PHF8: variants seen among roughly 807,000 people sequenced by gnomAD.
PHF8 encodes histone lysine demethylase PHF8.
A neutral mutation model predicts 74.4 loss-of-function variants in PHF8; 9 were observed. That is an observed-to-expected ratio of 0.12 (90% confidence interval 0.07 to 0.21). PHF8 has a LOEUF of 0.21. PHF8 is among the 10% of genes least tolerant of loss of function. PHF8 has a pLI of 1.00. For missense variants in PHF8, 478 were observed against 816.6 expected, an observed-to-expected ratio of 0.59 and a Z score of 5.05; for synonymous variants, 311 against 316.6, an observed-to-expected ratio of 0.98 and a Z score of 0.19.
At position 53,992,811 on chromosome X, in the gene PHF8, T is replaced by C; in HGVS notation, c.1655A>G (p.Asp552Gly). The C allele has an allele frequency of 8.3e-7, 1 of 1,201,629 alleles. No homozygotes were observed. Among genetic ancestry groups the C allele is most frequent in the East Asian group, 3.0e-5 (1 of 33,783 alleles). ...KFNITGACLN[D>G]SDDDSPDLDL... is the part of the protein sequence containing the mutation. The stretch of plus-strand genomic sequence containing the variant: ...CAAGTCTGGTGAGTCGTCATCTGAG[T>C]CATTCAAGCAGGCACCAGTGATGTT... Residue 552 changes from aspartate (D) to glycine (G), a missense_variant, in exon 14 of 22, where the codon GAC (aspartate) becomes GGC (glycine). By Grantham distance (94) the Asp-to-Gly change is moderately conservative (BLOSUM62 -1). Coordinates refer to ENST00000338154, the MANE Select transcript of PHF8 (RefSeq NM_015107.3).
chrX:54,012,780 A>AT (rs782467272), intron 7 of PHF8, among the ~76,000 whole-genome samples: 4 of 109,814 alleles, frequency 3.6e-5, no homozygotes, highest in African/African-American at 1.3e-4. Flanking sequence ...TACAAAAATA[A>AT]TTTTTTTTAA....
rs1167655276 is a variant in PHF8 at position 53,947,526 on chromosome X, G to A, written c.2540-3283C>T. Among the ~76,000 whole-genome samples, 3 of 111,950 alleles carry A rather than the reference G, an allele frequency of 2.7e-5. No individual in the cohort carries two copies. The East Asian group carries it at 8.4e-4, about 31-fold the overall frequency. ...TGAAGCAAATTTACCAAAAGTTGAC[G>A]CATAATTTTCAGTCATGGATACTTG... On this transcript the variant is annotated intron_variant, in intron 19 of 21. Coordinates refer to ENST00000338154, the MANE Select transcript of PHF8 (RefSeq NM_015107.3).
intron 17 of PHF8, among the ~76,000 whole-genome samples, 182 bp from the exon 18 acceptor site, chrX:53,985,409 T>A (rs782729881): frequency 9.0e-6 from 1 of 111,718 alleles, no homozygotes; most frequent in African/African-American, 3.3e-5. Context: ...GTATCATAGA[T>A]TGCTTTCACG....
intron 2 of PHF8, among the ~76,000 whole-genome samples, chrX:54,034,954 C>T (rs1010874149): frequency 7.3e-5 from 8 of 109,812 alleles, no homozygotes; most frequent in East Asian, 2.9e-4. Context: ...GCAGGTGAGC[C>T]GTGACTGTTC....
intron 3 of PHF8, 116 bp downstream of exon 3, chrX:54,022,642 T>C (rs2066198603): frequency 9.3e-6 from 5 of 535,797 alleles, no homozygotes; most frequent in Non-Finnish European, 1.6e-5. Flanking sequence ...GCTTCTGCTA[T>C]TTCCTGAGGA....
At chrX:53,999,845 G>A (rs1557103815) in intron 11 of PHF8, 25 bp downstream of exon 11, 1 of 997,329 alleles carries the variant, frequency 1.0e-6, no homozygotes, top group Admixed American at 2.2e-5. Context: ...AACTCCAGAG[G>A]AGGTAGAGAA....
chrX:54,025,967 C>G (rs782195104), intron 2 of PHF8, among the ~76,000 whole-genome samples: 6 of 111,623 alleles, frequency 5.4e-5, no homozygotes, highest in Non-Finnish European at 1.1e-4. Context: ...AACCCTAACC[C>G]TGGCTCAGTA....
chrX:53,949,391 A>G, intron 19 of PHF8, among the ~76,000 whole-genome samples: 1 of 112,168 alleles, frequency 8.9e-6, no homozygotes. Context: ...CAAGACTAAG[A>G]GCTTATAATA....
At chrX:53,983,990 CAA>C (rs2065519877) in intron 18 of PHF8, among the ~76,000 whole-genome samples, 1 of 112,503 alleles carries the variant, frequency 8.9e-6, no homozygotes, top group East Asian at 2.8e-4. Context: ...CAGTGTTAGT[CAA>C]AAAGAATTTT....
chrX:54,034,174 A>G (rs2066410192), intron 2 of PHF8, among the ~76,000 whole-genome samples: 1 of 111,967 alleles, frequency 8.9e-6, no homozygotes. Flanking sequence ...AAAAAAATGA[A>G]CAGAGCCTCA....
At chrX:54,002,712 G>T in intron 8 of PHF8, 30 bp from the exon 9 acceptor site, 1 of 982,411 alleles carries the variant, frequency 1.0e-6, no homozygotes, top group East Asian at 3.1e-5. Flanking sequence ...AATCAAAGCT[G>T]GAAGAGGGCC....
At position 54,042,833 on chromosome X, in the gene PHF8, A is replaced by G; in HGVS notation, c.-92-13T>C. 1 of 1,112,234 alleles carries G rather than the reference A, an allele frequency of 9.0e-7. No individual in the cohort carries two copies. The highest frequency in any genetic ancestry group is 1.2e-6 in the Non-Finnish European group (1 of 834,096). 91.7% of individuals were successfully genotyped at this position (1,112,234 alleles called of 1,213,427 possible). ...CTCTGGACGATAGCTAGGCACAAAT[A>G]ACACTTTTTACAGAGTGAATCAGCC... is the stretch of plus-strand genomic sequence containing the variant. On this transcript the variant is annotated splice_polypyrimidine_tract_variant and intron_variant, in intron 1 of 21. Transcript: ENST00000338154.
intron 11 of PHF8, chrX:53,999,489 C>T: frequency 6.1e-6 from 1 of 163,762 alleles, no homozygotes; most frequent in Admixed American, 7.5e-5. Context: ...GGGTCTGCAC[C>T]CCAACCTCCA....
At chrX:53,991,943 G>T (rs782359190) in intron 14 of PHF8, among the ~76,000 whole-genome samples, 16 of 111,306 alleles carry the variant, frequency 1.4e-4, no homozygotes, top group Non-Finnish European at 2.4e-4. Flanking sequence ...CCATGGGAAG[G>T]TAACAGGGAA....
At chrX:53,984,653 T>C (rs1233465527) in intron 18 of PHF8, among the ~76,000 whole-genome samples, 1 of 111,745 alleles carries the variant, frequency 8.9e-6, no homozygotes, top group Non-Finnish European at 1.9e-5. Flanking sequence ...GATAGCAAAT[T>C]ATAACTACCA....
At position 53,993,656 on chromosome X, in the gene PHF8, A is replaced by G; in HGVS notation, c.1571T>C (p.Leu524Pro). The G allele has an allele frequency of 6.6e-6, 8 of 1,211,146 alleles. No homozygotes were observed. Among genetic ancestry groups the G allele is most frequent in the Non-Finnish European group, 8.9e-6 (8 of 894,713 alleles). Residue 524 changes from leucine (L) to proline (P), a missense_variant, in exon 13 of 22, where the codon CTC (leucine) becomes CCC (proline). Leu to Pro is a moderately conservative substitution (Grantham distance 98). Coordinates refer to ENST00000338154, the MANE Select transcript of PHF8 (RefSeq NM_015107.3). Reference sequence around the variant, plus strand: ...TGCCTGATGACTGTATGTGTCCATGAGATTATAGCTCAACTGGCCAGCAGG... The same window carrying G: ...TGCCTGATGACTGTATGTGTCCATGGGATTATAGCTCAACTGGCCAGCAGG... ...LGPAGQLSYN[L>P]MDTYSHQALK...
Position 53,993,827 on chromosome X carries a change from G to T in PHF8, c.1400C>A (p.Pro467His). The T allele has an allele frequency of 8.3e-7, 1 of 1,207,536 alleles. No individual in the cohort carries two copies. The highest frequency in any genetic ancestry group is 1.7e-5 in the African/African-American group (1 of 57,840). ...LQRIFPAGSIPLTRPAHSTSV... is the reference protein window; with the variant it reads ...LQRIFPAGSIHLTRPAHSTSV... ...AGTGGAATGGGCTGGCCTGGTTAGGGGAATGGAGCCGGCTGGGAAGATCCT... is the reference window on the plus strand; with the variant it reads ...AGTGGAATGGGCTGGCCTGGTTAGGTGAATGGAGCCGGCTGGGAAGATCCT... Residue 467 changes from proline (P) to histidine (H), a missense_variant, in exon 13 of 22, where the codon CCC (proline) becomes CAC (histidine). This residue lies in a region of PHF8 where 153 missense variants were observed against 164.8 expected (regional missense o/e 0.93). Transcript: ENST00000338154.
At chrX:54,021,463 T>TA (rs2066171181) in intron 4 of PHF8, among the ~76,000 whole-genome samples, 1 of 73,554 alleles carries the variant, frequency 1.4e-5, no homozygotes, top group Admixed American at 1.4e-4. Context: ...TATTTTTTTT[T>TA]TTTTTTTTTT....
intron 2 of PHF8, among the ~76,000 whole-genome samples, chrX:54,034,551 A>C (rs2066416392): frequency 8.9e-6 from 1 of 111,769 alleles, no homozygotes; most frequent in South Asian, 3.7e-4. Flanking sequence ...GGCTGGGCAC[A>C]GTAGCTCATG....
Sources: allele counts gnomAD v4.1 joint callset (sites outside exome capture counted in the v4.1 genomes callset), GRCh38; gene constraint gnomAD v4.1.1; regional missense constraint gnomAD v4.1.1; transcripts MANE v1.5; gene names NCBI Gene and HGNC (gene_info 2026-07-23, HGNC 2026-07-21).